Variants in CEMIP observed in about 807,000 individuals in gnomAD.
CEMIP encodes the protein cell migration inducing hyaluronidase 1.
Under a neutral mutation model 156.9 loss-of-function variants are expected in CEMIP, and 105 were observed. The observed-to-expected ratio is 0.67, with a 90% CI of 0.57 to 0.79. The LOEUF is 0.79. Ranked by LOEUF, CEMIP falls within the 30% of genes least tolerant of loss-of-function variation. The pLI is 0.00. For missense variants in CEMIP, 1,457 were observed against 1,769.4 expected, an observed-to-expected ratio of 0.82 and a Z score of 3.17; for synonymous variants, 676 against 668.4, an observed-to-expected ratio of 1.01 and a Z score of -0.17.
chr15:80,948,380 G>A (rs546163852), intron 29 of CEMIP: 19 of 319,080 alleles, frequency 6.0e-5, no homozygotes, highest in South Asian at 5.3e-4. Context: ...ATAGAGTGGG[G>A]AAGGAGATCT....
At chr15:80,842,199 C>T (rs889135577) in intron 1 of CEMIP, 2 of 375,582 alleles carry the variant, frequency 5.3e-6, no homozygotes, top group Non-Finnish European at 1.1e-5. Context: ...TACCTATTCT[C>T]TTTTAAACAG....
intron 19 of CEMIP, among the ~76,000 whole-genome samples, chr15:80,926,710 G>A (rs1311070515): frequency 2.0e-5 from 3 of 151,630 alleles, no homozygotes. Flanking sequence ...CCCCAGCCAG[G>A]CAAGGACATA....
chr15:80,922,337 G>C (rs1241879227), intron 17 of CEMIP, among the ~76,000 whole-genome samples, 200 bp downstream of exon 17: 1 of 152,356 alleles, frequency 6.6e-6, no homozygotes, highest in African/African-American at 2.4e-5. Flanking sequence ...TCCTGTGGTG[G>C]TTCCTGCACG....
Position 80,781,433 on chromosome 15 carries a change from T to C in CEMIP, c.-176+1819T>C, listed in dbSNP as rs575636127. On this transcript the variant is annotated intron_variant, in intron 1 of 29. Coordinates refer to ENST00000394685, the MANE Select transcript of CEMIP (RefSeq NM_001293298.2). ...CCCAGTAGATGACTTTTCAAGTTGG[T>C]CACTTGAAACAGGGTGGAAAAACCT... 2.6e-5 allele frequency among the ~76,000 whole-genome samples: 4 copies of C among 152,310 alleles called. No individual in the cohort carries two copies. The East Asian group carries it at 7.7e-4, about 29-fold the overall frequency.
At chr15:80,801,482 C>T (rs1401089616) in intron 1 of CEMIP, among the ~76,000 whole-genome samples, 1 of 152,238 alleles carries the variant, frequency 6.6e-6, no homozygotes, top group Non-Finnish European at 1.5e-5. Flanking sequence ...GGAAAGCATG[C>T]ATGGCCTCTG....
At chr15:80,874,638 A>G (rs35014199) in intron 3 of CEMIP, among the ~76,000 whole-genome samples, 217 of 152,260 alleles carry the variant, frequency 1.4e-3, no homozygotes, top group Non-Finnish European at 2.7e-3. Context: ...CTATTTTTCT[A>G]TCTCAGCATT....
At chr15:80,801,145 C>G (rs1333621435) in intron 1 of CEMIP, among the ~76,000 whole-genome samples, 2 of 152,238 alleles carry the variant, frequency 1.3e-5, no homozygotes, top group Non-Finnish European at 2.9e-5. Flanking sequence ...AGAGTTCCCT[C>G]TCTCCTTCTC....
intron 1 of CEMIP, among the ~76,000 whole-genome samples, chr15:80,809,575 A>G (rs1373385205): frequency 6.6e-6 from 1 of 152,222 alleles, no homozygotes; most frequent in Non-Finnish European, 1.5e-5. Context: ...GTTAGTTCAC[A>G]GTCCTGTGGA....
intron 12 of CEMIP, among the ~76,000 whole-genome samples, chr15:80,904,628 G>A (rs575194306): frequency 3.9e-5 from 6 of 152,290 alleles, no homozygotes; most frequent in South Asian, 2.1e-4. Flanking sequence ...AGAAAGTGAC[G>A]TGATGACAGG....
At chr15:80,941,294 T>G (rs926115493) in intron 25 of CEMIP, among the ~76,000 whole-genome samples, 14 of 152,238 alleles carry the variant, frequency 9.2e-5, no homozygotes, top group African/African-American at 3.4e-4. Flanking sequence ...GTTTTCCTCA[T>G]AATCTGACTC....
At chr15:80,840,239 G>T (rs1897372479) in intron 1 of CEMIP, among the ~76,000 whole-genome samples, 1 of 152,130 alleles carries the variant, frequency 6.6e-6, no homozygotes, top group African/African-American at 2.4e-5. Context: ...TAGAGGAGAG[G>T]GAATTCCACA....
intron 1 of CEMIP, among the ~76,000 whole-genome samples, chr15:80,789,081 A>C (rs1196901699): frequency 6.6e-6 from 1 of 151,322 alleles, no homozygotes; most frequent in Non-Finnish European, 1.5e-5. Flanking sequence ...TTCTTATCTC[A>C]CTCTCATCCT....
chr15:80,827,444 C>T, intron 1 of CEMIP, among the ~76,000 whole-genome samples: 1 of 152,208 alleles, frequency 6.6e-6, no homozygotes, highest in Admixed American at 6.5e-5. Context: ...CATGGTGAAA[C>T]CCTGTCTCTA....
intron 1 of CEMIP, among the ~76,000 whole-genome samples, chr15:80,842,380 C>T (rs552753032): frequency 1.3e-5 from 2 of 152,142 alleles, no homozygotes; most frequent in East Asian, 1.9e-4. Context: ...CACAAAGACT[C>T]GTTCTTTGTT....
intron 1 of CEMIP, among the ~76,000 whole-genome samples, chr15:80,811,513 T>C (rs1167463718): frequency 6.6e-6 from 1 of 152,250 alleles, no homozygotes; most frequent in African/African-American, 2.4e-5. Flanking sequence ...CTGACAGTGA[T>C]GAATGTCCCA....
chr15:80,927,139 C>T (rs2141939935), intron 19 of CEMIP, among the ~76,000 whole-genome samples: 1 of 152,236 alleles, frequency 6.6e-6, no homozygotes, highest in South Asian at 2.1e-4. Context: ...GCAGGGCCTT[C>T]ATTTTGCACA....
At chr15:80,816,938 CTTAT>C (rs1019963959) in intron 1 of CEMIP, among the ~76,000 whole-genome samples, 2 of 152,080 alleles carry the variant, frequency 1.3e-5, no homozygotes, top group Non-Finnish European at 2.9e-5. Context: ...GCCCAGAGAT[CTTAT>C]TTATATGCCT....
At chr15:80,800,993 C>T (rs376705370) in intron 1 of CEMIP, among the ~76,000 whole-genome samples, 1 of 152,192 alleles carries the variant, frequency 6.6e-6, no homozygotes, top group African/African-American at 2.4e-5. Context: ...ACTCTAGCAA[C>T]ATCCTAGGAT....
Position 80,857,949 on chromosome 15 carries a change from A to G in CEMIP, c.-175-15589A>G, listed in dbSNP as rs147977788. ...TAGGGAAAGCATTCCCGGCAGTAGG[A>G]GCAGCATGTGAAAAGTCCCTGGGGC... is the stretch of plus-strand genomic sequence containing the variant. On this transcript the variant is annotated intron_variant, in intron 1 of 29. Coordinates refer to ENST00000394685, the MANE Select transcript of CEMIP (RefSeq NM_001293298.2). Among the ~76,000 whole-genome samples, 214 of 151,548 alleles carry G rather than the reference A, an allele frequency of 1.4e-3. 1 individual carries two copies. Among genetic ancestry groups the G allele is most frequent in the African/African-American group, 4.8e-3 (197 of 41,266 alleles).
Sources: allele counts gnomAD v4.1 joint callset (sites outside exome capture counted in the v4.1 genomes callset), GRCh38; gene constraint gnomAD v4.1.1; transcripts MANE v1.5; gene names NCBI Gene and HGNC (gene_info 2026-07-23, HGNC 2026-07-21).